Variants in FAM228B observed in about 807,000 individuals in gnomAD.
FAM228B encodes the protein family with sequence similarity 228 member B.
A neutral mutation model predicts 42.6 loss-of-function variants in FAM228B; 38 were observed. The observed-to-expected ratio is 0.89, with a 90% CI of 0.69 to 1.17. The LOEUF is 1.17. Ranked by LOEUF, FAM228B falls within the 50% of genes most tolerant of loss-of-function variation. FAM228B has a pLI of 0.00. For synonymous variants in FAM228B, 109 were observed against 122.3 expected, an observed-to-expected ratio of 0.89 and a Z score of 0.72; for missense variants, 344 against 367.3, an observed-to-expected ratio of 0.94 and a Z score of 0.52.
chr2:24,079,748 T>A, intron 1 of FAM228B: 1 of 1,071,696 alleles, frequency 9.3e-7, no homozygotes, highest in Non-Finnish European at 1.4e-6. Flanking sequence ...GGTAAATCTA[T>A]AGGTTGGAAT....
At chr2:24,099,796 A>G (rs1181165590) in intron 3 of FAM228B, among the ~76,000 whole-genome samples, 1 of 152,064 alleles carries the variant, frequency 6.6e-6, no homozygotes, top group Non-Finnish European at 1.5e-5. Context: ...CCAAAAAAGA[A>G]CCCCCCATTA....
intron 7 of FAM228B, among the ~76,000 whole-genome samples, chr2:24,147,605 A>AGTTGGATGATTTCTGACTTGTTTTT (rs1410703230): frequency 2.6e-5 from 4 of 151,210 alleles, no homozygotes; most frequent in Admixed American, 6.6e-5. Context: ...TTTGTTTTTC[A>AGTTGGATGATTTCTGACTTGTTTTT]GTTGGATGAT....
chr2:24,079,254 A>T (rs1664891054), intron 1 of FAM228B: 1 of 596,682 alleles, frequency 1.7e-6, no homozygotes, highest in Admixed American at 3.0e-5. Flanking sequence ...TTTTCATGAT[A>T]CTGAAGCTTC....
chr2:24,129,643 A>G (rs1289299614), intron 2 of FAM228B, among the ~76,000 whole-genome samples: 2 of 151,624 alleles, frequency 1.3e-5, no homozygotes, highest in African/African-American at 4.8e-5. Flanking sequence ...TTATTTCTCA[A>G]ATTTAAGAAC....
intron 3 of FAM228B, among the ~76,000 whole-genome samples, chr2:24,099,957 TA>T (rs1665573607): frequency 6.6e-6 from 1 of 152,034 alleles, no homozygotes; most frequent in East Asian, 1.9e-4. Flanking sequence ...GCCTCAGAAA[TA>T]ACACCACACA....
intron 8 of FAM228B, among the ~76,000 whole-genome samples, chr2:24,162,362 G>T (rs565560790): frequency 6.6e-6 from 1 of 152,126 alleles, no homozygotes. Context: ...TGTATATAAT[G>T]TGGGGAATCA....
rs190327219 is a variant in FAM228B, at chr2:24,097,635, A to G, written c.-121+2406A>G. Among the ~76,000 whole-genome samples, 91 of 152,292 alleles carry G rather than the reference A, an allele frequency of 6.0e-4. 1 individual carries two copies. The highest frequency in any genetic ancestry group is 3.4e-3 in the Middle Eastern group (1 of 294). Reference sequence around the variant, plus strand: ...CAGGAGCACCCAGATTCATAAAGCAAGTCCTTTGAGACCTACAAAGAAACT... The same window carrying G: ...CAGGAGCACCCAGATTCATAAAGCAGGTCCTTTGAGACCTACAAAGAAACT... On this transcript the variant is annotated intron_variant, in intron 3 of 10. Transcript: ENST00000613899.
chr2:24,108,156 C>T (rs1665729839), intron 3 of FAM228B, among the ~76,000 whole-genome samples: 1 of 152,142 alleles, frequency 6.6e-6, no homozygotes, highest in Non-Finnish European at 1.5e-5. Context: ...CCTCTATGCA[C>T]ACAAACTAGA....
At chr2:24,118,579 T>A (rs1266322076), upstream of FAM228B, among the ~76,000 whole-genome samples, 1 of 152,172 alleles carries the variant, frequency 6.6e-6, no homozygotes, top group Admixed American at 6.5e-5. Flanking sequence ...GTAATGGGGA[T>A]AATCATAAAG....
chr2:24,124,295 G>GT, intron 1 of FAM228B, 35 bp from the exon 2 acceptor site: 1 of 1,065,726 alleles, frequency 9.4e-7, no homozygotes, highest in South Asian at 1.5e-5. Context: ...TCAGATGACT[G>GT]TGAAATGTTC....
intron 3 of FAM228B, among the ~76,000 whole-genome samples, chr2:24,099,066 T>G (rs1256146022): frequency 1.3e-5 from 2 of 152,178 alleles, no homozygotes; most frequent in African/African-American, 2.4e-5. Flanking sequence ...GGAAAGGCCT[T>G]CAACAAAATT....
chr2:24,112,361 C>T (rs1050405398), intron 3 of FAM228B, among the ~76,000 whole-genome samples: 3 of 142,530 alleles, frequency 2.1e-5, no homozygotes, highest in Non-Finnish European at 4.5e-5. Flanking sequence ...AGTGCCGTGG[C>T]GCGATCTTGG....
At chr2:24,164,943 C>A (rs1249031898) in intron 9 of FAM228B, among the ~76,000 whole-genome samples, 1 of 151,772 alleles carries the variant, frequency 6.6e-6, no homozygotes, top group Non-Finnish European at 1.5e-5. Flanking sequence ...GGCCCTGTGA[C>A]TGGTGGAAAG....
At chr2:24,116,862 A>G (rs944740129) in intron 3 of FAM228B, among the ~76,000 whole-genome samples, 2 of 151,276 alleles carry the variant, frequency 1.3e-5, no homozygotes, top group African/African-American at 4.9e-5. Flanking sequence ...GGCTGATAGA[A>G]TGAAACTGTG....
chr2:24,110,283 A>C (rs939492418), intron 3 of FAM228B, among the ~76,000 whole-genome samples: 20 of 152,004 alleles, frequency 1.3e-4, no homozygotes, highest in African/African-American at 3.9e-4. Context: ...CCTGCTTGAG[A>C]GTGGAGGGTG....
chr2:24,093,552 T>C (rs994370356), intron 2 of FAM228B, among the ~76,000 whole-genome samples: 1 of 152,188 alleles, frequency 6.6e-6, no homozygotes, highest in East Asian at 1.9e-4. Context: ...ACTCTATCAT[T>C]GATGGGCATT....
At chr2:24,089,993 G>T (rs1404559120) in intron 2 of FAM228B, among the ~76,000 whole-genome samples, 1 of 99,082 alleles carries the variant, frequency 1.0e-5, no homozygotes, top group Non-Finnish European at 2.1e-5. Flanking sequence ...AAAAAAAAAC[G>T]CCGGGCGCAG....
At position 24,169,608 on chromosome 2, in the gene FAM228B, C is replaced by T. The variant is rs571364217; in HGVS notation, c.*267C>T. ...CCAGAAGTTAAGAAATATTGCTGAA[C>T]GAACCAATAAAAATAATTACAGCTC... is the stretch of plus-strand genomic sequence containing the variant. On this transcript the variant is annotated 3_prime_UTR_variant, in exon 11 of 11. Coordinates refer to ENST00000615575, the MANE Select transcript of FAM228B (RefSeq NM_001145710.2). The surrounding 1 kb of genome is among the most constrained non-coding windows in gnomAD (Gnocchi z 4.2). 11 of 266,342 alleles carry T rather than the reference C, an allele frequency of 4.1e-5. No individual in the cohort carries two copies. The highest frequency in any genetic ancestry group is 7.7e-5 in the East Asian group (1 of 12,986). The allele number at this position is 266,342 out of a possible 1,614,324, so 16.5% of individuals were successfully genotyped here. A position where few individuals can be genotyped will look rare whatever the true frequency, so the allele number is the denominator to read the frequency against.
intron 2 of FAM228B, among the ~76,000 whole-genome samples, chr2:24,132,308 C>T (rs1476086661): frequency 2.0e-5 from 3 of 152,082 alleles, no homozygotes; most frequent in Non-Finnish European, 2.9e-5. Context: ...TGTTGTATCT[C>T]TGCCAGATTT....
Sources: allele counts gnomAD v4.1 joint callset (sites outside exome capture counted in the v4.1 genomes callset), GRCh38; gene constraint gnomAD v4.1.1; non-coding constraint Gnocchi (gnomAD v3.1); transcripts MANE v1.5; gene names NCBI Gene and HGNC (gene_info 2026-07-23, HGNC 2026-07-21).